CRYL1: variants seen among roughly 807,000 people sequenced by gnomAD.
CRYL1 encodes the protein lambda-crystallin homolog.
In CRYL1, 29 loss-of-function variants were observed where a neutral mutation model predicts 36.6. That is an observed-to-expected ratio of 0.79 (90% CI 0.59 to 1.08). CRYL1 has a LOEUF of 1.08. Ranked by LOEUF, CRYL1 falls within the 50% of genes least tolerant of loss-of-function variation. The pLI is 0.00. For missense variants in CRYL1, 411 were observed against 407.9 expected (o/e 1.01, Z -0.06); for synonymous variants, 152 against 151.5 (o/e 1.00, Z -0.02).
chr13:20,440,190 A>G (rs1428411113), intron 3 of CRYL1, among the ~76,000 whole-genome samples: 1 of 152,170 alleles, frequency 6.6e-6, no homozygotes, highest in Non-Finnish European at 1.5e-5. Context: ...TATCAAACCT[A>G]AGCATAAAAA....
chr13:20,484,958 G>A (rs957405516), intron 3 of CRYL1, among the ~76,000 whole-genome samples: 1 of 152,070 alleles, frequency 6.6e-6, no homozygotes, highest in African/African-American at 2.4e-5. Flanking sequence ...TTCACTCTGG[G>A]GGTTTCATTT....
chr13:20,409,897 G>A (rs1241947493), intron 6 of CRYL1, among the ~76,000 whole-genome samples: 1 of 152,168 alleles, frequency 6.6e-6, no homozygotes, highest in Admixed American at 6.5e-5. Context: ...GTGCCGGAGA[G>A]GATGTGGAGA....
At chr13:20,404,464 T>C (rs992682891) in intron 7 of CRYL1, among the ~76,000 whole-genome samples, 171 bp downstream of exon 7, 3 of 152,014 alleles carry the variant, frequency 2.0e-5, no homozygotes, top group African/African-American at 7.3e-5. Flanking sequence ...CCTTAAGGTG[T>C]CCTGGTGACA....
chr13:20,476,017 C>T lies in CRYL1; in HGVS notation c.276+13353G>A, dbSNP rs1420942748. On this transcript the variant is annotated intron_variant, in intron 3 of 7. Transcript: ENST00000298248. ...ACCTGCCCCACGCACACGGCAGTTC[C>T]GGGGCAGGTCCTGCGCACGCGGCAG... Among the ~76,000 whole-genome samples the T allele has an allele frequency of 6.6e-5, 10 of 152,122 alleles. 1 individual carries two copies. The highest frequency in any genetic ancestry group is 1.0e-4 in the Non-Finnish European group (7 of 68,026).
At chr13:20,515,788 C>T (rs748707058) in intron 1 of CRYL1, 1 of 152,166 alleles carries the variant, frequency 6.6e-6, no homozygotes, top group Non-Finnish European at 1.5e-5. Context: ...GGGAAATGAG[C>T]AGCTGTTGTT....
intron 4 of CRYL1, among the ~76,000 whole-genome samples, chr13:20,436,146 T>C (rs2032211139): frequency 6.6e-6 from 1 of 152,096 alleles, no homozygotes; most frequent in African/African-American, 2.4e-5. Flanking sequence ...GGGAGCGGGC[T>C]AACTGGTGGC....
chr13:20,482,013 C>T (rs1352975398), intron 3 of CRYL1, among the ~76,000 whole-genome samples: 1 of 152,128 alleles, frequency 6.6e-6, no homozygotes, highest in Non-Finnish European at 1.5e-5. Context: ...GTGTCCAATG[C>T]TGCCTGAACC....
intron 3 of CRYL1, among the ~76,000 whole-genome samples, chr13:20,459,519 A>G (rs1364380464): frequency 1.3e-5 from 2 of 152,244 alleles, no homozygotes; most frequent in Non-Finnish European, 2.9e-5. Context: ...CTATGCAGCC[A>G]TAAAAAAGAA....
intron 2 of CRYL1, among the ~76,000 whole-genome samples, chr13:20,505,031 G>A (rs142336734): frequency 0.012 from 1,775 of 152,126 alleles, 35 homozygotes; most frequent in South Asian, 0.081. Flanking sequence ...TTTCAACCAC[G>A]TGACATTTTC....
intron 2 of CRYL1, among the ~76,000 whole-genome samples, chr13:20,509,000 CCTGA>C (rs2033864345): frequency 1.3e-5 from 2 of 151,104 alleles, no homozygotes; most frequent in African/African-American, 4.9e-5. Context: ...CAGGAGTCAG[CCTGA>C]CTAACATGGT....
intron 1 of CRYL1, among the ~76,000 whole-genome samples, chr13:20,517,947 A>AAG (rs2034031913): frequency 6.6e-6 from 1 of 151,304 alleles, no homozygotes; most frequent in Non-Finnish European, 1.5e-5. Flanking sequence ...AGAAAAAAAA[A>AAG]AAAAAAAAAG....
chr13:20,490,662 G>A (rs1460498633), intron 2 of CRYL1, among the ~76,000 whole-genome samples: 2 of 151,948 alleles, frequency 1.3e-5, no homozygotes, highest in African/African-American at 4.8e-5. Context: ...CAGGGGATGG[G>A]GTGGGGGGGC....
Position 20,509,248 on chromosome 13 carries a change from G to T in CRYL1, c.149+3195C>A, listed in dbSNP as rs2033870342. Among the ~76,000 whole-genome samples, 3 of 25,942 alleles carry T rather than the reference G, an allele frequency of 1.2e-4. No individual in the cohort carries two copies. In the South Asian group the frequency reaches 7.1e-3, roughly 61 times the overall value. 17.0% of individuals were successfully genotyped at this position (25,942 alleles called of 152,430 possible). A position where few individuals can be genotyped will look rare whatever the true frequency, so the allele number is the denominator to read the frequency against. On this transcript the variant is annotated intron_variant, in intron 2 of 7. Coordinates refer to ENST00000298248, the MANE Select transcript of CRYL1 (RefSeq NM_015974.3). ...TCTGAAAACATCTTTTTGCCTCATAGTTTTTTGTTTTGTTTTGTTTTGTTT... is the reference window on the plus strand; with the variant it reads ...TCTGAAAACATCTTTTTGCCTCATATTTTTTTGTTTTGTTTTGTTTTGTTT...
intron 2 of CRYL1, among the ~76,000 whole-genome samples, chr13:20,496,329 T>C (rs954409816): frequency 6.6e-6 from 1 of 152,190 alleles, no homozygotes; most frequent in African/African-American, 2.4e-5. Context: ...TGCACAACCA[T>C]GTGAACGTAC....
At chr13:20,416,898 T>C (rs1417623421) in intron 5 of CRYL1, among the ~76,000 whole-genome samples, 1 of 152,184 alleles carries the variant, frequency 6.6e-6, no homozygotes, top group Non-Finnish European at 1.5e-5. Context: ...CAGTTCTGCC[T>C]GATTTCATCT....
intron 1 of CRYL1, among the ~76,000 whole-genome samples, chr13:20,524,578 T>A (rs912010352): frequency 1.3e-5 from 2 of 152,090 alleles, no homozygotes; most frequent in Admixed American, 1.3e-4. Flanking sequence ...AGTTTCTCCA[T>A]ATTGGTCAGG....
intron 5 of CRYL1, among the ~76,000 whole-genome samples, chr13:20,421,785 C>CATTTATTTATTTATTT (rs10624463): frequency 6.7e-6 from 1 of 149,486 alleles, no homozygotes; most frequent in African/African-American, 2.5e-5. Context: ...ACAGCATTTT[C>CATTTATTTATTTATTT]ATTTATTTAT....
intron 1 of CRYL1, among the ~76,000 whole-genome samples, chr13:20,516,572 T>C (rs962913256): frequency 1.3e-5 from 2 of 151,874 alleles, no homozygotes; most frequent in African/African-American, 2.4e-5. Context: ...CTCCGCCTCC[T>C]GGGTTCACGC....
At chr13:20,422,124 C>G (rs565754797) in intron 5 of CRYL1, among the ~76,000 whole-genome samples, 1 of 152,078 alleles carries the variant, frequency 6.6e-6, no homozygotes, top group South Asian at 2.1e-4. Flanking sequence ...TTTGGGAGGC[C>G]AAGGCAGGCC....
Sources: gnomAD v4.1 joint callset for allele counts (sites outside exome capture counted in the v4.1 genomes callset) on GRCh38, gnomAD v4.1.1 for gene constraint, MANE v1.5 for transcripts, NCBI Gene and HGNC (gene_info 2026-07-23, HGNC 2026-07-21) for gene names.